PPFIBP1: variants seen among roughly 807,000 people sequenced by gnomAD.
PPFIBP1 encodes the protein PPFIB scaffold protein 1, also known as liprin-beta-1.
In PPFIBP1, 112 loss-of-function variants were observed where a neutral mutation model predicts 137.8. The ratio of observed to expected loss-of-function variants is 0.81; its 90% confidence interval spans 0.70 to 0.95. The LOEUF is 0.95. Among genes scored for constraint, PPFIBP1 ranks in the 40% least tolerant of loss-of-function variants. PPFIBP1 has a pLI of 0.00. For synonymous variants in PPFIBP1, 378 were observed against 417.3 expected, an observed-to-expected ratio of 0.91 and a Z score of 1.15; for missense variants, 1,083 against 1,196.6, an observed-to-expected ratio of 0.91 and a Z score of 1.40.
At chr12:27,646,022 T>C in intron 4 of PPFIBP1, 40 bp from the exon 5 acceptor site, 2 of 1,399,442 alleles carry the variant, frequency 1.4e-6, no homozygotes, top group Non-Finnish European at 2.0e-6. Flanking sequence ...ATATCATTCT[T>C]AGAGAAGATC....
At position 27,634,894 on chromosome 12, in the gene PPFIBP1, A is replaced by G. The variant is rs1182382422; in HGVS notation, c.65-16A>G. The G allele has an allele frequency of 5.0e-6, 8 of 1,607,538 alleles. No homozygotes were observed. In the Admixed American group the frequency reaches 1.2e-4, roughly 23 times the overall value. ...CATAAATCCCATTGCTCTCTCTGTG[A>G]TTTTGTTTAACTTAGGTTCTAAGGC... On this transcript the variant is annotated splice_polypyrimidine_tract_variant and intron_variant, in intron 3 of 29. Transcript: ENST00000228425.
intron 2 of PPFIBP1, among the ~76,000 whole-genome samples, chr12:27,607,293 G>A (rs1274929071): frequency 6.6e-6 from 1 of 152,208 alleles, no homozygotes; most frequent in Non-Finnish European, 1.5e-5. Context: ...TGATTCAGGT[G>A]TACAAAAGTG....
intron 4 of PPFIBP1, among the ~76,000 whole-genome samples, chr12:27,637,591 G>GC (rs2057774775): frequency 1.3e-5 from 2 of 152,040 alleles, no homozygotes; most frequent in African/African-American, 4.8e-5. Context: ...TCCTCACCTT[G>GC]CCCCCAACCT....
intron 6 of PPFIBP1, among the ~76,000 whole-genome samples, chr12:27,648,221 CA>C (rs2058659101): frequency 6.6e-6 from 1 of 152,006 alleles, no homozygotes; most frequent in Admixed American, 6.5e-5. Flanking sequence ...AGAAGACATA[CA>C]AATGGCAAAC....
intron 2 of PPFIBP1, among the ~76,000 whole-genome samples, chr12:27,591,697 A>G (rs1203205190): frequency 6.6e-6 from 1 of 152,140 alleles, no homozygotes; most frequent in East Asian, 1.9e-4. Flanking sequence ...GGTATGTATT[A>G]TTATCTTCCA....
rs201002281 is a variant in PPFIBP1 at position 27,635,129 on chromosome 12, G to A, written c.270+14G>A. The A allele has an allele frequency of 3.7e-6, 6 of 1,613,208 alleles. No individual in the cohort carries two copies. Among genetic ancestry groups the A allele is most frequent in the Non-Finnish European group, 4.2e-6 (5 of 1,179,184 alleles). On this transcript the variant is annotated intron_variant, in intron 4 of 29. Coordinates refer to ENST00000228425, the MANE Select transcript of PPFIBP1 (RefSeq NM_003622.4). ...CAGAGTCAAATGGTAGGGTCTGCCT[G>A]TTCCAAATTCTGTTATAAATCCTTT... is the stretch of plus-strand genomic sequence containing the variant.
intron 9 of PPFIBP1, among the ~76,000 whole-genome samples, chr12:27,658,468 C>T (rs80228516): frequency 6.6e-6 from 1 of 152,034 alleles, no homozygotes; most frequent in Non-Finnish European, 1.5e-5. Flanking sequence ...GGTATCAAAC[C>T]GTGATGGAAA....
At chr12:27,620,080 T>C (rs1292059045) in intron 2 of PPFIBP1, among the ~76,000 whole-genome samples, 5 of 151,608 alleles carry the variant, frequency 3.3e-5, no homozygotes, top group South Asian at 4.2e-4. Flanking sequence ...GAGCCACCAA[T>C]AGAACACCTC....
intron 1 of PPFIBP1, among the ~76,000 whole-genome samples, chr12:27,562,962 T>A (rs2049282743): frequency 6.6e-6 from 1 of 151,996 alleles, no homozygotes; most frequent in East Asian, 1.9e-4. Flanking sequence ...GGATATTGTG[T>A]GCATAATTCT....
At chr12:27,672,168 G>C (rs867706435) in intron 14 of PPFIBP1, among the ~76,000 whole-genome samples, 2 of 152,180 alleles carry the variant, frequency 1.3e-5, no homozygotes, top group African/African-American at 4.8e-5. Context: ...ACAGTCACGG[G>C]CTGTAAGTGT....
chr12:27,672,485 T>C lies in PPFIBP1; in HGVS notation c.1319+2T>C. The C allele has an allele frequency of 6.3e-7, 1 of 1,596,808 alleles. No homozygotes were observed. Among genetic ancestry groups the C allele is most frequent in the Non-Finnish European group, 8.6e-7 (1 of 1,165,142 alleles). On this transcript the variant is annotated splice_donor_variant, in intron 15 of 29. Transcript: ENST00000228425. LOFTEE classifies it high-confidence loss of function. ...TACCCAACTGTGTGATAAACTTTTG[T>C]AAGTTACATTTTATTGAATGTGAAA...
chr12:27,588,843 C>A (rs762566106), intron 2 of PPFIBP1, among the ~76,000 whole-genome samples: 63 of 152,146 alleles, frequency 4.1e-4, no homozygotes, highest in Non-Finnish European at 7.1e-4. Flanking sequence ...GCATTAAAGC[C>A]ATGGAATTCC....
intron 2 of PPFIBP1, among the ~76,000 whole-genome samples, 185 bp from the exon 3 acceptor site, chr12:27,633,177 T>TGC: frequency 6.6e-6 from 1 of 152,140 alleles, no homozygotes; most frequent in South Asian, 2.1e-4. Flanking sequence ...CTTTATTAAC[T>TGC]GATACAGGTA....
chr12:27,538,419 A>T (rs1945287115), intron 1 of PPFIBP1: 1 of 152,190 alleles, frequency 6.6e-6, no homozygotes, highest in African/African-American at 2.4e-5. Flanking sequence ...GTTATTTGAA[A>T]TTGTACTTTG....
chr12:27,572,756 A>G lies in PPFIBP1; in HGVS notation c.-123-5396A>G, dbSNP rs79743780. Among the ~76,000 whole-genome samples, 107 of 152,310 alleles carry G rather than the reference A, an allele frequency of 7.0e-4. No individual in the cohort carries two copies. In the East Asian group the frequency reaches 0.018, roughly 25 times the overall value. On this transcript the variant is annotated intron_variant, in intron 1 of 29. Coordinates refer to ENST00000228425, the MANE Select transcript of PPFIBP1 (RefSeq NM_003622.4). ...GTGCTTAGTACTGTGGGAACACAGA[A>G]AAAACTGCACACTAAACCCTTTAAA...
intron 1 of PPFIBP1, among the ~76,000 whole-genome samples, chr12:27,563,329 C>A (rs1210651359): frequency 2.2e-5 from 3 of 134,464 alleles, no homozygotes; most frequent in African/African-American, 5.8e-5. Flanking sequence ...TGGTGGCCAG[C>A]GCCTGTGGTC....
chr12:27,646,758 A>G (rs7303520), intron 5 of PPFIBP1, among the ~76,000 whole-genome samples: 97,019 of 151,952 alleles, frequency 0.64, 31,532 homozygotes, highest in Middle Eastern at 0.7. Context: ...GCTTCTTCAT[A>G]ATGTTTTAAA....
intron 13 of PPFIBP1, among the ~76,000 whole-genome samples, 197 bp downstream of exon 13, chr12:27,667,517 A>T (rs1358682456): frequency 6.6e-6 from 1 of 152,202 alleles, no homozygotes; most frequent in Non-Finnish European, 1.5e-5. Context: ...TTTTCTTCTG[A>T]CTTCTTTAGA....
At chr12:27,625,778 T>G (rs1267331496) in intron 2 of PPFIBP1, among the ~76,000 whole-genome samples, 1 of 151,932 alleles carries the variant, frequency 6.6e-6, no homozygotes, top group Non-Finnish European at 1.5e-5. Context: ...GAGATAGAGT[T>G]TCCCCATGTT....
Sources: gnomAD v4.1 joint callset for allele counts (sites outside exome capture counted in the v4.1 genomes callset) on GRCh38, gnomAD v4.1.1 for gene constraint, MANE v1.5 for transcripts, NCBI Gene and HGNC (gene_info 2026-07-23, HGNC 2026-07-21) for gene names.